The following EMC4 variants were observed in gnomAD, a reference collection of about 807,000 sequenced individuals.
EMC4 encodes cell proliferation-inducing gene 17 protein.
Under a neutral mutation model 24.2 loss-of-function variants are expected in EMC4, and 9 were observed. The observed-to-expected ratio is 0.37, with a 90% confidence interval of 0.22 to 0.65. EMC4 has a LOEUF of 0.65. EMC4 is among the 30% of genes least tolerant of loss of function. EMC4 has a pLI of 0.59. For missense variants in EMC4, 169 were observed against 234.6 expected (o/e 0.72, Z 1.83); for synonymous variants, 86 against 81.1 (o/e 1.06, Z -0.32).
Position 34,228,519 on chromosome 15 carries a change from A to T in EMC4, c.446A>T (p.Tyr149Phe). The change falls in exon 4 of 5, where the codon TAC becomes TTC. Residue 149 changes from tyrosine to phenylalanine, a missense_variant. Physicochemically the swap from Tyr to Phe is conservative, Grantham distance 22. Transcript: ENST00000267750. ...GNLMGLALAVYKCQSMGLLPT... is the reference protein window; with the variant it reads ...GNLMGLALAVFKCQSMGLLPT... ...CTGATGGGTTTGGCATTGGCTGTTT[A>T]CAAGTGCCAGTCCATGGGACTGTTA... 6.2e-7 allele frequency: 1 copy of T among 1,614,104 alleles called. No homozygotes were observed. Among genetic ancestry groups the T allele is most frequent in the African/African-American group, 1.3e-5 (1 of 75,034 alleles).
In EMC4 at chr15:34,225,168, C is replaced by T. The variant is rs1325496138; in HGVS notation, c.54C>T (p.Ala18=). ...ACCGAGGCCGGCGCTTCAAGTGGGC[C>T]ATTGAGCTAAGCGGGCCTGGAGGAG... ...VANRGRRFKW[A]IELSGPGGGS... Residue 18 remains alanine, a synonymous_variant, in exon 1 of 5, where the codon GCC becomes GCT. Transcript: ENST00000267750. The T allele has an allele frequency of 1.9e-6, 3 of 1,551,452 alleles. No homozygotes were observed. Among genetic ancestry groups the T allele is most frequent in the Non-Finnish European group, 8.7e-7 (1 of 1,146,868 alleles).
In EMC4 at chr15:34,228,514, T is replaced by C. The variant is rs1890715468; in HGVS notation, c.441T>C (p.Ala147=). 2 of 1,613,996 alleles carry C rather than the reference T, an allele frequency of 1.2e-6. No homozygotes were observed. The highest frequency in any genetic ancestry group is 3.3e-5 in the Admixed American group (2 of 59,996). Residue 147 remains alanine (A), a synonymous_variant, in exon 4 of 5, where the codon GCT becomes GCC. Coordinates refer to ENST00000267750, the MANE Select transcript of EMC4 (RefSeq NM_016454.4). ...GGAACCTGATGGGTTTGGCATTGGC[T>C]GTTTACAAGTGCCAGTCCATGGGAC... ...LIGNLMGLAL[A]VYKCQSMGLL... is the part of the protein sequence containing the mutation.
chr15:34,228,850 A>G (rs1462851776), intron 4 of EMC4: 1 of 276,580 alleles, frequency 3.6e-6, no homozygotes, highest in Admixed American at 5.0e-5. Context: ...ATGCCCAGCT[A>G]ATTTTTTTGT....
In EMC4 at chr15:34,228,452, A is replaced by G; in HGVS notation, c.379A>G (p.Ser127Gly). The G allele has an allele frequency of 1.2e-6, 2 of 1,613,878 alleles. No individual in the cohort carries two copies. Among genetic ancestry groups the G allele is most frequent in the Admixed American group, 1.7e-5 (1 of 59,916 alleles). Residue 127 changes from serine (S) to glycine (G), a missense_variant, in exon 4 of 5, where the codon AGC becomes GGC. Coordinates refer to ENST00000267750, the MANE Select transcript of EMC4 (RefSeq NM_016454.4). Reference sequence around the variant, plus strand: ...AGCTTTCAAGATGTTAGAAAGTTCAAGCCAGAAGTTTCTTCAGGGTTTGGT... The same window carrying G: ...AGCTTTCAAGATGTTAGAAAGTTCAGGCCAGAAGTTTCTTCAGGGTTTGGT... Reference protein sequence around the residue: ...SATFKMLESSSQKFLQGLVYL... With the variant: ...SATFKMLESSGQKFLQGLVYL...
At chr15:34,229,460 G>A (rs1197617560) in intron 4 of EMC4, 1 of 268,420 alleles carries the variant, frequency 3.7e-6, no homozygotes, top group Non-Finnish European at 7.0e-6. Context: ...AGCCTCTCAA[G>A]TAGCTGGGAC....
Position 34,227,820 on chromosome 15 carries a change from T to A in EMC4, c.329T>A (p.Ile110Asn). The A allele has an allele frequency of 6.2e-7, 1 of 1,614,082 alleles. No individual in the cohort carries two copies. Among genetic ancestry groups the A allele is most frequent in the East Asian group, 2.2e-5 (1 of 44,884 alleles). The change falls in exon 3 of 5, where the codon ATT becomes AAT. Residue 110 changes from isoleucine (I) to asparagine (N), a missense_variant. By Grantham distance (149) the Ile-to-Asn change is moderately radical. Transcript: ENST00000267750. ...MMVCMMAWRP[I>N]QALMAISATF... ...GTGTGTATGATGGCCTGGCGACCCA[T>A]TCAGGCACTTATGGCCATTTCAGCC...
chr15:34,225,290 A>G (rs957671197), intron 1 of EMC4, 90 bp downstream of exon 1: 1 of 1,170,898 alleles, frequency 8.5e-7, no homozygotes, highest in Non-Finnish European at 1.2e-6. Context: ...AACTCTGAAA[A>G]AGATGGGTGG....
At chr15:34,229,716 T>A (rs763208023) in intron 4 of EMC4, 37 bp from the exon 5 acceptor site, 1 of 1,114,626 alleles carries the variant, frequency 9.0e-7, no homozygotes, top group Admixed American at 2.1e-5. Flanking sequence ...AACACTCATT[T>A]GCCACTCACC....
At chr15:34,225,296 G>A in intron 1 of EMC4, 96 bp downstream of exon 1, 1 of 1,125,274 alleles carries the variant, frequency 8.9e-7, no homozygotes, top group Non-Finnish European at 1.3e-6. Flanking sequence ...GAAAAAGATG[G>A]GTGGCACACA....
rs1353022585 is a variant in EMC4, at chr15:34,227,767, T to C, written c.276T>C (p.Asn92=). Residue 92 remains asparagine, a synonymous_variant, in exon 3 of 5, where the codon AAT becomes AAC. Coordinates refer to ENST00000267750, the MANE Select transcript of EMC4 (RefSeq NM_016454.4). The part of the protein sequence containing the change: ...MNLFIMYMAG[N]TISIFPTMMV... ...TCTTCATCATGTACATGGCAGGCAA[T>C]ACTATCTCCATCTTCCCTACTATGA... 4.3e-6 allele frequency: 7 copies of C among 1,614,024 alleles called. No homozygotes were observed. The highest frequency in any genetic ancestry group is 5.1e-6 in the Non-Finnish European group (6 of 1,179,976).
Position 34,228,553 on chromosome 15 carries a change from T to C in EMC4, c.480T>C (p.His160=), listed in dbSNP as rs577317699. The part of the protein sequence containing the change: ...KCQSMGLLPT[H]ASDWLAFIEP... The stretch of plus-strand genomic sequence containing the variant: ...AGTCCATGGGACTGTTACCTACACA[T>C]GCATCGGATTGGTTAGCCTTCATTG... Residue 160 remains histidine (H), a synonymous_variant, in exon 4 of 5, where the codon CAT becomes CAC. Transcript: ENST00000267750. 2 of 1,613,860 alleles carry C rather than the reference T, an allele frequency of 1.2e-6. No individual in the cohort carries two copies. The highest frequency in any genetic ancestry group is 2.7e-5 in the African/African-American group (2 of 75,012).
chr15:34,228,629 A>G, intron 4 of EMC4, 40 bp downstream of exon 4: 1 of 1,521,492 alleles, frequency 6.6e-7, no homozygotes, highest in South Asian at 1.2e-5. Context: ...TAGTTGTAGT[A>G]TACAGTGAAT....
chr15:34,230,149 TA>T lies in EMC4; in HGVS notation c.*368del. On this transcript the variant is annotated 3_prime_UTR_variant, in exon 5 of 5. Coordinates refer to ENST00000267750, the MANE Select transcript of EMC4 (RefSeq NM_016454.4). ...AAATTAAATGGTTGAGAACAATGCA[TA>T]AAAAAAGTTGCACAAGTTCCTTATT... 4 of 235,638 alleles carry T rather than the reference TA, an allele frequency of 1.7e-5. No homozygotes were observed. The highest frequency in any genetic ancestry group is 8.6e-5 in the East Asian group (1 of 11,594). 14.6% of individuals were successfully genotyped at this position (235,638 alleles called of 1,614,324 possible).
In EMC4 at chr15:34,229,930, A is replaced by C. The variant is rs778116209; in HGVS notation, c.*142A>C. 2.2e-5 allele frequency: 17 copies of C among 779,724 alleles called. No homozygotes were observed. The Admixed American group carries it at 3.6e-4, about 16-fold the overall frequency. 48.3% of individuals were successfully genotyped at this position (779,724 alleles called of 1,614,324 possible). ...AGACTCTTTTCTCCATGGTGGGGTG[A>C]CAGGTCCTAGAAGGACAATGTGCAT... On this transcript the variant is annotated 3_prime_UTR_variant, in exon 5 of 5. Coordinates refer to ENST00000267750, the MANE Select transcript of EMC4 (RefSeq NM_016454.4).
rs1890711617 is a variant in EMC4 at position 34,228,410 on chromosome 15, ACTT to A, written c.356-16_356-14del. 6.2e-7 allele frequency: 1 copy of A among 1,611,410 alleles called. No individual in the cohort carries two copies. On this transcript the variant is annotated splice_polypyrimidine_tract_variant and intron_variant, in intron 3 of 4. Coordinates refer to ENST00000267750, the MANE Select transcript of EMC4 (RefSeq NM_016454.4). ...GGGAAAGAGTTCTTTTGGTTTGACAACTTCTGTTACCGCAACAGCTTTCAAGAT... is the reference window on the plus strand; with the variant it reads ...GGGAAAGAGTTCTTTTGGTTTGACAACTGTTACCGCAACAGCTTTCAAGAT...
At position 34,225,161 on chromosome 15, in the gene EMC4, A is replaced by C; in HGVS notation, c.47A>C (p.Lys16Thr). 3.2e-6 allele frequency: 5 copies of C among 1,551,594 alleles called. No homozygotes were observed. The highest frequency in any genetic ancestry group is 4.4e-6 in the Non-Finnish European group (5 of 1,146,942). Residue 16 changes from lysine (K) to threonine (T), a missense_variant, in exon 1 of 5, where the codon AAG becomes ACG. Physicochemically the swap from Lys to Thr is moderately conservative, Grantham distance 78. Transcript: ENST00000267750. The stretch of plus-strand genomic sequence containing the variant: ...GTGGCTAACCGAGGCCGGCGCTTCA[A>C]GTGGGCCATTGAGCTAAGCGGGCCT... ...GLVANRGRRF[K>T]WAIELSGPGG...
chr15:34,225,223 A>G (rs370449590), intron 1 of EMC4, 23 bp downstream of exon 1: 2 of 1,530,674 alleles, frequency 1.3e-6, no homozygotes, highest in Non-Finnish European at 1.8e-6. Context: ...GGCAAGCTGT[A>G]CATCACTGTT....
intron 1 of EMC4, 24 bp downstream of exon 1, chr15:34,225,224 C>T (rs1244139793): frequency 6.6e-7 from 1 of 1,517,746 alleles, no homozygotes; most frequent in African/African-American, 1.4e-5. Context: ...GCAAGCTGTA[C>T]ATCACTGTTC....
At chr15:34,229,672 A>G (rs1890784751) in intron 4 of EMC4, 81 bp from the exon 5 acceptor site, 2 of 805,170 alleles carry the variant, frequency 2.5e-6, no homozygotes, top group Non-Finnish European at 4.1e-6. Flanking sequence ...GCTTGTGGTT[A>G]AAGTATTAAG....
Sources: gnomAD v4.1 joint callset for allele counts on GRCh38, gnomAD v4.1.1 for gene constraint, MANE v1.5 for transcripts, NCBI Gene and HGNC (gene_info 2026-07-23, HGNC 2026-07-21) for gene names.